The following BCCIP variants were observed in gnomAD, a reference collection of about 807,000 sequenced individuals.
BCCIP encodes BRCA2 and CDKN1A interacting protein, also known as BRCA2 and CDKN1A-interacting protein.
In BCCIP, 23 loss-of-function variants were observed where a neutral mutation model predicts 32.8. The ratio of observed to expected loss-of-function variants is 0.70; its 90% CI spans 0.51 to 0.99. The LOEUF (loss-of-function observed/expected upper bound fraction) is 0.99. BCCIP is among the 50% of genes least tolerant of loss of function. The pLI is 0.00. For synonymous variants in BCCIP, 144 were observed against 137.6 expected (o/e 1.05, Z -0.33); for missense variants, 378 against 379.8 (o/e 1.00, Z 0.04).
Position 125,836,315 on chromosome 10 carries a change from T to C in BCCIP, c.*41T>C. 2 of 1,612,458 alleles carry C rather than the reference T, an allele frequency of 1.2e-6. No individual in the cohort carries two copies. The highest frequency in any genetic ancestry group is 1.7e-6 in the Non-Finnish European group (2 of 1,179,502). ...CAGTGATGGGCTTGTTTTTGTAAAATTACCAGAAAACTCAGTGGAGATTTA... is the reference window on the plus strand; with the variant it reads ...CAGTGATGGGCTTGTTTTTGTAAAACTACCAGAAAACTCAGTGGAGATTTA... On this transcript the variant is annotated 3_prime_UTR_variant, in exon 7 of 7. Coordinates refer to ENST00000278100, the MANE Select transcript of BCCIP (RefSeq NM_078468.3).
downstream of BCCIP, among the ~76,000 whole-genome samples, chr10:125,847,602 G>A (rs1944037870): frequency 2.0e-5 from 3 of 152,204 alleles, no homozygotes; most frequent in Non-Finnish European, 1.5e-5. Context: ...ACAGACCAGA[G>A]GGTGGAGAGG....
exon 7 of BCCIP, chr10:125,842,050 C>A: frequency 2.3e-6 from 3 of 1,292,304 alleles, no homozygotes; most frequent in Non-Finnish European, 3.0e-6. Flanking sequence ...ATATGTGAAA[C>A]AACGGTTTGC....
intron 7 of BCCIP, among the ~76,000 whole-genome samples, chr10:125,850,354 C>CTTTTTTTTTTTT (rs765077777): frequency 8.0e-6 from 1 of 124,560 alleles, no homozygotes; most frequent in Non-Finnish European, 1.7e-5. Flanking sequence ...TTCTTTCTTT[C>CTTTTTTTTTTTT]TTTTTTTTTT....
At chr10:125,839,409 C>T (rs775950813), downstream of BCCIP, among the ~76,000 whole-genome samples, 12 of 152,244 alleles carry the variant, frequency 7.9e-5, no homozygotes, top group Non-Finnish European at 1.6e-4. Flanking sequence ...CCGACAGCAC[C>T]CATGCCACCT....
rs1165588752 is a variant in BCCIP, at chr10:125,850,342, TTTTC to T, written c.851-2771_851-2768del. ...CTGGCCTCTGCAGCCTTTGACTTTC[TTTTC>T]TTTCTTTCTTTTTTTTTTTTTTTTT... On this transcript the variant is annotated intron_variant, in intron 7 of 7. Coordinates refer to the BCCIP transcript ENST00000368759. 2.4e-3 allele frequency among the ~76,000 whole-genome samples: 362 copies of T among 150,232 alleles called. 1 individual carries two copies. The highest frequency in any genetic ancestry group is 6.7e-3 in the African/African-American group (274 of 40,758).
At chr10:125,840,815 A>G, downstream of BCCIP, 2 of 1,538,238 alleles carry the variant, frequency 1.3e-6, no homozygotes, top group Non-Finnish European at 1.8e-6. Context: ...AGGAAGGTGG[A>G]ATTAATAGGT....
chr10:125,834,074 C>T, intron 6 of BCCIP, 128 bp downstream of exon 6: 1 of 1,022,570 alleles, frequency 9.8e-7, no homozygotes, highest in Non-Finnish European at 1.4e-6. Flanking sequence ...TTTCTGTTTC[C>T]CCACAGGACC....
intron 5 of BCCIP, among the ~76,000 whole-genome samples, chr10:125,833,519 TGTTA>T (rs1854575013): frequency 6.6e-6 from 1 of 152,200 alleles, no homozygotes; most frequent in African/African-American, 2.4e-5. Flanking sequence ...TCATCTGATC[TGTTA>T]GTTGCTATAT....
At chr10:125,835,675 G>T (rs566654929) in intron 6 of BCCIP, among the ~76,000 whole-genome samples, 1 of 152,152 alleles carries the variant, frequency 6.6e-6, no homozygotes, top group African/African-American at 2.4e-5. Context: ...TTTTAAGATG[G>T]CGGGGTATGC....
Position 125,836,278 on chromosome 10 carries a change from A to G in BCCIP, c.*4A>G. 6.2e-7 allele frequency: 1 copy of G among 1,614,000 alleles called. No individual in the cohort carries two copies. The highest frequency in any genetic ancestry group is 8.5e-7 in the Non-Finnish European group (1 of 1,179,970). On this transcript the variant is annotated 3_prime_UTR_variant, in exon 7 of 7. Transcript: ENST00000278100. ...GAAAGAATATCTATCTGTCTAACCC[A>G]TTTCCAATGGACAGTGATGGGCTTG...
At chr10:125,852,932 T>G (rs188682116) in intron 7 of BCCIP, among the ~76,000 whole-genome samples, 84 of 152,336 alleles carry the variant, frequency 5.5e-4, no homozygotes, top group African/African-American at 1.8e-3. Flanking sequence ...AGCACTGTAC[T>G]GGTGAATGAT....
intron 7 of BCCIP, chr10:125,852,457 A>C (rs1053763955): frequency 1.9e-6 from 3 of 1,614,022 alleles, no homozygotes; most frequent in African/African-American, 2.7e-5. Context: ...TTTTCCTAAA[A>C]GACACCAAGA....
At chr10:125,842,128 G>T in exon 7 of BCCIP, 1 of 720,466 alleles carries the variant, frequency 1.4e-6, no homozygotes, top group Non-Finnish European at 2.1e-6. Context: ...GGGGAGCCCT[G>T]TGATTGTCCA....
exon 7 of BCCIP, chr10:125,842,397 G>T (rs929055207): frequency 9.8e-5 from 15 of 153,626 alleles, no homozygotes; most frequent in Non-Finnish European, 4.3e-5. Flanking sequence ...AAAGAGCCAT[G>T]TGAGAAGATT....
chr10:125,836,437 A>C lies in BCCIP; in HGVS notation c.*163A>C. ...CACATTTACAAAATACCAGTTTTTT[A>C]AAATTTTGGTCAAATTATGAGTGGT... is the stretch of plus-strand genomic sequence containing the variant. On this transcript the variant is annotated 3_prime_UTR_variant, in exon 7 of 7. Transcript: ENST00000278100. 1 of 1,436,998 alleles carries C rather than the reference A, an allele frequency of 7.0e-7. No homozygotes were observed. The highest frequency in any genetic ancestry group is 9.1e-7 in the Non-Finnish European group (1 of 1,102,032). 89.0% of individuals were successfully genotyped at this position (1,436,998 alleles called of 1,614,324 possible).
exon 7 of BCCIP, chr10:125,841,915 C>T (rs1854890844): frequency 1.1e-5 from 18 of 1,594,624 alleles, no homozygotes; most frequent in Non-Finnish European, 1.4e-5. Flanking sequence ...CTTCCAATGC[C>T]TGCATCAAAC....
chr10:125,852,683 A>G (rs776227847), intron 7 of BCCIP: 152 of 1,546,936 alleles, frequency 9.8e-5, no homozygotes, highest in Non-Finnish European at 1.3e-4. Context: ...CAGATAAGTC[A>G]TGATTCAGTA....
chr10:125,831,228 G>T (rs1263765523), intron 4 of BCCIP, among the ~76,000 whole-genome samples, 192 bp from the exon 5 acceptor site: 1 of 152,148 alleles, frequency 6.6e-6, no homozygotes, highest in Non-Finnish European at 1.5e-5. Flanking sequence ...ACTCATCATG[G>T]GATGGTAAAT....
At chr10:125,826,520 A>G (rs1378005997) in intron 1 of BCCIP, 71 bp from the exon 2 acceptor site, 12 of 1,591,778 alleles carry the variant, frequency 7.5e-6, no homozygotes, top group Admixed American at 1.8e-5. Flanking sequence ...AATCTTGGCA[A>G]TGTTTGCCTG....
Sources: allele counts gnomAD v4.1 joint callset (sites outside exome capture counted in the v4.1 genomes callset), GRCh38; gene constraint gnomAD v4.1.1; transcripts MANE v1.5; gene names NCBI Gene and HGNC (gene_info 2026-07-23, HGNC 2026-07-21).